DGKB: variants seen among roughly 807,000 people sequenced by gnomAD.
The protein encoded by DGKB is diacylglycerol kinase beta.
DGKB carries 67 observed loss-of-function variants against 114.3 expected under a neutral mutation model. The ratio of observed to expected loss-of-function variants is 0.59; its 90% CI spans 0.48 to 0.72. The LOEUF (loss-of-function observed/expected upper bound fraction) is 0.72. Among genes scored for constraint, DGKB ranks in the 30% least tolerant of loss-of-function variants. The probability of loss-of-function intolerance (pLI) is 0.00; values close to 1 mark genes in which losing one functional copy is unlikely to be tolerated. For synonymous variants in DGKB, 398 were observed against 323.1 expected (o/e 1.23, Z -2.49); for missense variants, 907 against 975.2 (o/e 0.93, Z 0.93).
chr7:14,628,770 A>C (rs1025594193), intron 14 of DGKB, among the ~76,000 whole-genome samples: 1 of 152,102 alleles, frequency 6.6e-6, no homozygotes, highest in Non-Finnish European at 1.5e-5. Flanking sequence ...ATATCCATGC[A>C]TGGGCTTAAG....
chr7:14,445,512 A>G (rs1206756976), intron 21 of DGKB, among the ~76,000 whole-genome samples: 1 of 152,020 alleles, frequency 6.6e-6, no homozygotes, highest in Non-Finnish European at 1.5e-5. Flanking sequence ...AGGATATAAA[A>G]TTCAGAAATG....
At chr7:14,776,191 A>G (rs573680058) in intron 2 of DGKB, among the ~76,000 whole-genome samples, 117 of 152,326 alleles carry the variant, frequency 7.7e-4, no homozygotes, top group Admixed American at 1.2e-3. Context: ...TCTGATGGAA[A>G]AAATTTCTAA....
At chr7:14,648,406 G>A (rs1252603094) in intron 13 of DGKB, among the ~76,000 whole-genome samples, 2 of 152,060 alleles carry the variant, frequency 1.3e-5, no homozygotes, top group East Asian at 1.9e-4. Context: ...ACAGGGCAGG[G>A]TACTCCAACA....
chr7:14,797,413 C>T (rs1466195010), intron 2 of DGKB, among the ~76,000 whole-genome samples: 1 of 152,152 alleles, frequency 6.6e-6, no homozygotes, highest in Non-Finnish European at 1.5e-5. Context: ...AAATAATTCA[C>T]TCACAAATAT....
At chr7:14,937,025 TACAC>T (rs56176139) in intron 1 of DGKB, among the ~76,000 whole-genome samples, 5,334 of 132,190 alleles carry the variant, frequency 0.04, 97 homozygotes, top group East Asian at 0.063. Flanking sequence ...GTCCATTCAC[TACAC>T]ACACACACAC....
At chr7:14,483,436 C>A (rs1030903904) in intron 20 of DGKB, among the ~76,000 whole-genome samples, 3 of 152,084 alleles carry the variant, frequency 2.0e-5, no homozygotes, top group Admixed American at 2.0e-4. Flanking sequence ...AGACTTGGAG[C>A]TGAAGATATT....
At chr7:14,223,926 T>A (rs2128327553) in intron 23 of DGKB, among the ~76,000 whole-genome samples, 1 of 151,916 alleles carries the variant, frequency 6.6e-6, no homozygotes, top group Non-Finnish European at 1.5e-5. Context: ...TGTTTCTAAA[T>A]TTTTTTCCAG....
At chr7:14,335,774 A>G (rs922477546) in intron 23 of DGKB, among the ~76,000 whole-genome samples, 3 of 151,966 alleles carry the variant, frequency 2.0e-5, no homozygotes, top group African/African-American at 7.3e-5. Flanking sequence ...TTTTTAAGAG[A>G]CAGAGTCCTT....
intron 21 of DGKB, among the ~76,000 whole-genome samples, chr7:14,356,401 G>T (rs567416368): frequency 9.1e-5 from 10 of 109,604 alleles, no homozygotes; most frequent in Middle Eastern, 0.013. Context: ...TCGCTCTATT[G>T]CCCAGGCTGG....
intron 21 of DGKB, among the ~76,000 whole-genome samples, chr7:14,405,862 G>C (rs968036672): frequency 1.3e-5 from 2 of 151,984 alleles, no homozygotes; most frequent in African/African-American, 4.8e-5. Context: ...AAGGACAAAG[G>C]AACCGAGGCA....
intron 20 of DGKB, among the ~76,000 whole-genome samples, chr7:14,550,239 G>T (rs192508389): frequency 6.6e-6 from 1 of 151,936 alleles, no homozygotes; most frequent in Non-Finnish European, 1.5e-5. Flanking sequence ...TAGAGATTAG[G>T]TTAATTTTTT....
intron 17 of DGKB, among the ~76,000 whole-genome samples, chr7:14,593,828 G>A (rs12699650): frequency 0.53 from 79,067 of 149,126 alleles, 21,344 homozygotes; most frequent in African/African-American, 0.62. Context: ...GTTAAAAAAA[G>A]AAAAAAACAA....
intron 5 of DGKB, among the ~76,000 whole-genome samples, chr7:14,732,920 TAC>T (rs1172277495): frequency 1.3e-5 from 2 of 152,222 alleles, no homozygotes; most frequent in South Asian, 2.1e-4. Context: ...CCATATGTGA[TAC>T]AGTTATTTAG....
At chr7:14,879,395 G>A (rs1853867121) in intron 1 of DGKB, among the ~76,000 whole-genome samples, 1 of 152,166 alleles carries the variant, frequency 6.6e-6, no homozygotes, top group South Asian at 2.1e-4. Flanking sequence ...CACTTCAGAT[G>A]TGAGTTTGCT....
intron 2 of DGKB, among the ~76,000 whole-genome samples, chr7:14,829,739 T>A (rs1846165192): frequency 1.3e-5 from 2 of 152,132 alleles, no homozygotes; most frequent in Non-Finnish European, 2.9e-5. Context: ...AACTCTATGA[T>A]TATGGCAGCC....
chr7:14,454,548 G>C (rs1012096017), intron 21 of DGKB, among the ~76,000 whole-genome samples: 2 of 151,930 alleles, frequency 1.3e-5, no homozygotes, highest in African/African-American at 4.8e-5. Context: ...TCTAAATTTT[G>C]TGCTCTTGTG....
intron 12 of DGKB, among the ~76,000 whole-genome samples, chr7:14,673,745 T>A (rs1819392071): frequency 6.6e-6 from 1 of 152,100 alleles, no homozygotes; most frequent in Non-Finnish European, 1.5e-5. Flanking sequence ...AATAGTGATG[T>A]TTTAAAACTG....
At chr7:14,389,147 G>C (rs1028024474) in intron 21 of DGKB, among the ~76,000 whole-genome samples, 1 of 152,110 alleles carries the variant, frequency 6.6e-6, no homozygotes, top group Non-Finnish European at 1.5e-5. Context: ...GCAGCATTTC[G>C]GATGAGGCCT....
rs1442642266 is a variant in DGKB at position 14,178,060 on chromosome 7, C to T, written c.2214G>A (p.Arg738=). 1 of 1,601,326 alleles carries T rather than the reference C, an allele frequency of 6.2e-7. No individual in the cohort carries two copies. The part of the protein sequence containing the change: ...IYTGLKSAGR[R]LAQCSCVVIR... Reference sequence around the variant, plus strand: ...TGACCACGCAGGAGCACTGAGCCAGCCGCCGGCCAGCACTTTTCAGGCCTG... The same window carrying T: ...TGACCACGCAGGAGCACTGAGCCAGTCGCCGGCCAGCACTTTTCAGGCCTG... The change falls in exon 24 of 26, where the codon CGG becomes CGA. Residue 738 remains arginine (R), a synonymous_variant. Transcript: ENST00000402815.
Sources: allele counts gnomAD v4.1 joint callset (sites outside exome capture counted in the v4.1 genomes callset), GRCh38; gene constraint gnomAD v4.1.1; transcripts MANE v1.5; gene names NCBI Gene and HGNC (gene_info 2026-07-23, HGNC 2026-07-21).